Variants in TTC28 observed in about 807,000 individuals in gnomAD.
TTC28 encodes the protein tetratricopeptide repeat protein 28.
TTC28 carries 61 observed loss-of-function variants against 198.0 expected under a neutral mutation model. The observed-to-expected ratio is 0.31, with a 90% CI of 0.25 to 0.38. TTC28 has a LOEUF of 0.38. TTC28 is among the 10% of genes least tolerant of loss of function. TTC28 has a pLI of 1.00. For synonymous variants in TTC28, 1,171 were observed against 1,297.8 expected, an observed-to-expected ratio of 0.90 and a Z score of 2.10; for missense variants, 2,678 against 3,164.0, an observed-to-expected ratio of 0.85 and a Z score of 3.69.
At chr22:28,614,275 C>T (rs1305822665) in intron 2 of TTC28, among the ~76,000 whole-genome samples, 3 of 152,242 alleles carry the variant, frequency 2.0e-5, no homozygotes, top group Middle Eastern at 3.4e-3. Context: ...CTACAAAACA[C>T]TGCTCAAGGA....
At chr22:28,399,850 G>C (rs1426227531) in intron 2 of TTC28, among the ~76,000 whole-genome samples, 1 of 152,026 alleles carries the variant, frequency 6.6e-6, no homozygotes, top group Non-Finnish European at 1.5e-5. Flanking sequence ...CAACCAAGAG[G>C]AGAATTCACC....
In TTC28 at chr22:28,585,124, A is replaced by T. The variant is rs144486600; in HGVS notation, c.381+44428T>A. Among the ~76,000 whole-genome samples, 12 of 152,346 alleles carry T rather than the reference A, an allele frequency of 7.9e-5. No homozygotes were observed. In the East Asian group the frequency reaches 2.1e-3, roughly 27 times the overall value. ...AGTAGTCCCCAACCTTTTTGGCACC[A>T]GAGACTAGTTTTGTGAAAGACAATT... On this transcript the variant is annotated intron_variant, in intron 2 of 22. Coordinates refer to ENST00000397906, the MANE Select transcript of TTC28 (RefSeq NM_001145418.2).
intron 13 of TTC28, among the ~76,000 whole-genome samples, chr22:28,021,431 G>A (rs887284301): frequency 5.9e-5 from 9 of 152,136 alleles, no homozygotes; most frequent in Non-Finnish European, 8.8e-5. Flanking sequence ...CGCATGAAGG[G>A]GCGACCTGAG....
intron 12 of TTC28, among the ~76,000 whole-genome samples, chr22:28,045,334 G>A (rs998032330): frequency 2.0e-5 from 3 of 152,268 alleles, no homozygotes; most frequent in East Asian, 1.9e-4. Context: ...TCATGTTGAC[G>A]CTGTGAAAGT....
intron 5 of TTC28, among the ~76,000 whole-genome samples, chr22:28,188,903 C>T (rs1924459882): frequency 6.6e-6 from 1 of 152,124 alleles, no homozygotes; most frequent in South Asian, 2.1e-4. Flanking sequence ...GGCACTAATT[C>T]GTTTTTAGTG....
chr22:27,998,533 C>A lies in TTC28; in HGVS notation c.5119+7G>T. Reference sequence around the variant, plus strand: ...TGACAGGCACCCGCAGCCAGCCGAACTCCCACCTGCCCAGTTGGAGGGGTG... The same window carrying A: ...TGACAGGCACCCGCAGCCAGCCGAAATCCCACCTGCCCAGTTGGAGGGGTG... On this transcript the variant is annotated splice_region_variant and intron_variant, in intron 16 of 22. Coordinates refer to ENST00000397906, the MANE Select transcript of TTC28 (RefSeq NM_001145418.2). The A allele has an allele frequency of 6.5e-7, 1 of 1,545,836 alleles. No individual in the cohort carries two copies. The highest frequency in any genetic ancestry group is 1.2e-5 in the South Asian group (1 of 83,556).
At chr22:28,134,204 T>C (rs1943139136) in intron 6 of TTC28, among the ~76,000 whole-genome samples, 1 of 152,038 alleles carries the variant, frequency 6.6e-6, no homozygotes, top group Non-Finnish European at 1.5e-5. Flanking sequence ...CAAAATCCCA[T>C]CTGTACGTCA....
chr22:28,211,215 C>A (rs1926923357), intron 5 of TTC28, among the ~76,000 whole-genome samples: 1 of 152,166 alleles, frequency 6.6e-6, no homozygotes, highest in Admixed American at 6.5e-5. Context: ...TAGGAAGAAA[C>A]TGCATCAACT....
intron 2 of TTC28, among the ~76,000 whole-genome samples, chr22:28,343,213 G>GA (rs1336165614): frequency 6.6e-6 from 1 of 152,022 alleles, no homozygotes; most frequent in African/African-American, 2.4e-5. Flanking sequence ...AAATAGACGA[G>GA]AAAATCAGAT....
intron 2 of TTC28, among the ~76,000 whole-genome samples, chr22:28,534,151 A>G (rs2145908594): frequency 6.6e-6 from 1 of 152,350 alleles, no homozygotes; most frequent in African/African-American, 2.4e-5. Flanking sequence ...AAATTTTTGC[A>G]ATCTATCCAT....
chr22:28,623,314 G>A lies in TTC28; in HGVS notation c.381+6238C>T, dbSNP rs573242358. 1.6e-3 allele frequency among the ~76,000 whole-genome samples: 240 copies of A among 152,202 alleles called. 1 individual carries two copies. The highest frequency in any genetic ancestry group is 1.7e-3 in the Non-Finnish European group (116 of 68,012). On this transcript the variant is annotated intron_variant, in intron 2 of 22. Transcript: ENST00000397906. ...AGATAAAGAGATACATTGCATAACG[G>A]TAAAAGGATCAATTTATCAAGAAGA...
intron 6 of TTC28, among the ~76,000 whole-genome samples, chr22:28,142,404 T>C (rs1046314257): frequency 2.0e-5 from 3 of 152,218 alleles, no homozygotes; most frequent in Admixed American, 1.3e-4. Flanking sequence ...CACAGACCTA[T>C]TTTGTGTTTT....
At chr22:28,558,167 T>C (rs1034498323) in intron 2 of TTC28, among the ~76,000 whole-genome samples, 2 of 152,232 alleles carry the variant, frequency 1.3e-5, no homozygotes, top group African/African-American at 2.4e-5. Context: ...GAAGGTGAAA[T>C]ACCCAAATCC....
At chr22:28,219,167 C>A (rs746119413) in intron 5 of TTC28, among the ~76,000 whole-genome samples, 4 of 151,810 alleles carry the variant, frequency 2.6e-5, no homozygotes, top group Non-Finnish European at 4.4e-5. Context: ...CATTACTTAA[C>A]GTCTCTTGGT....
chr22:28,441,871 T>G (rs967917645), intron 2 of TTC28, among the ~76,000 whole-genome samples: 1 of 133,256 alleles, frequency 7.5e-6, no homozygotes, highest in Admixed American at 7.8e-5. Flanking sequence ...CACGGCCAAA[T>G]GAGGTATTTG....
chr22:28,452,071 G>C (rs1306354642), intron 2 of TTC28, among the ~76,000 whole-genome samples: 1 of 151,878 alleles, frequency 6.6e-6, no homozygotes, highest in Non-Finnish European at 1.5e-5. Flanking sequence ...TTGAAGTGGG[G>C]GCTTATTGAC....
intron 2 of TTC28, among the ~76,000 whole-genome samples, chr22:28,626,116 G>C (rs540358634): frequency 2.0e-5 from 3 of 152,164 alleles, no homozygotes; most frequent in South Asian, 4.2e-4. Context: ...GAAGACAAAG[G>C]TTTCTTAAAT....
chr22:28,597,511 C>T (rs752931939), intron 2 of TTC28, among the ~76,000 whole-genome samples: 4 of 152,060 alleles, frequency 2.6e-5, no homozygotes, highest in Non-Finnish European at 4.4e-5. Context: ...ATTTCCTAAA[C>T]CAAAATGTGT....
chr22:28,128,606 C>T (rs538827854), intron 6 of TTC28, among the ~76,000 whole-genome samples: 2 of 152,156 alleles, frequency 1.3e-5, no homozygotes, highest in East Asian at 1.9e-4. Context: ...GGCTCAATCT[C>T]GGTTCAATGC....
Sources: allele counts gnomAD v4.1 joint callset (sites outside exome capture counted in the v4.1 genomes callset), GRCh38; gene constraint gnomAD v4.1.1; transcripts MANE v1.5; gene names NCBI Gene and HGNC (gene_info 2026-07-23, HGNC 2026-07-21).